Variants in HEATR5A observed in about 807,000 individuals in gnomAD.
HEATR5A encodes HEAT repeat containing 5A.
Under a neutral mutation model 218.8 loss-of-function variants are expected in HEATR5A, and 178 were observed. The ratio of observed to expected loss-of-function variants is 0.81; its 90% confidence interval spans 0.72 to 0.92. HEATR5A has a LOEUF of 0.92. Ranked by LOEUF, HEATR5A falls within the 40% of genes least tolerant of loss-of-function variation. HEATR5A has a pLI of 0.00. For missense variants in HEATR5A, 2,420 were observed against 2,418.9 expected (o/e 1.00, Z -0.01); for synonymous variants, 864 against 871.6 (o/e 0.99, Z 0.15).
At chr14:31,331,928 C>A (rs1900486483) in intron 22 of HEATR5A, among the ~76,000 whole-genome samples, 1 of 152,178 alleles carries the variant, frequency 6.6e-6, no homozygotes, top group Non-Finnish European at 1.5e-5. Context: ...CCCTCAACAC[C>A]TGGGGATTGT....
intron 32 of HEATR5A, 47 bp from the exon 33 acceptor site, chr14:31,302,566 T>C (rs1279510322): frequency 8.0e-7 from 1 of 1,248,654 alleles, no homozygotes; most frequent in Non-Finnish European, 1.1e-6. Flanking sequence ...AACCTATATA[T>C]ATGGTTTCTA....
intron 16 of HEATR5A, among the ~76,000 whole-genome samples, chr14:31,354,365 C>A (rs556471340): frequency 6.6e-6 from 1 of 152,150 alleles, no homozygotes; most frequent in Non-Finnish European, 1.5e-5. Context: ...TATTTCTTGA[C>A]CACATTCATG....
chr14:31,403,308 T>A (rs999846858), intron 1 of HEATR5A, among the ~76,000 whole-genome samples: 2 of 152,198 alleles, frequency 1.3e-5, no homozygotes, highest in Non-Finnish European at 2.9e-5. Flanking sequence ...AGAAGAGACA[T>A]TCCACTAAAA....
intron 26 of HEATR5A, among the ~76,000 whole-genome samples, chr14:31,316,468 G>A (rs188649948): frequency 6.6e-6 from 1 of 152,166 alleles, no homozygotes; most frequent in East Asian, 1.9e-4. Flanking sequence ...ATTTCCAAAG[G>A]GAACGAAGTC....
At chr14:31,414,494 A>G (rs959647431) in intron 1 of HEATR5A, among the ~76,000 whole-genome samples, 3 of 152,202 alleles carry the variant, frequency 2.0e-5, no homozygotes, top group African/African-American at 7.2e-5. Context: ...AATAATATTG[A>G]ATATAGATAT....
chr14:31,390,618 G>A (rs2030416122), intron 6 of HEATR5A, among the ~76,000 whole-genome samples: 2 of 152,156 alleles, frequency 1.3e-5, no homozygotes, highest in East Asian at 1.9e-4. Context: ...CATATATGAC[G>A]GTGGTCCTGT....
Position 31,323,724 on chromosome 14 carries a change from T to C in HEATR5A, c.3628A>G (p.Arg1210Gly). The C allele has an allele frequency of 6.2e-7, 1 of 1,613,658 alleles. No individual in the cohort carries two copies. Among genetic ancestry groups the C allele is most frequent in the South Asian group, 1.1e-5 (1 of 91,074 alleles). The stretch of plus-strand genomic sequence containing the variant: ...AAAGGATGGGATTTTTCATCACGTC[T>C]GGTGGTCAGGACTGAGGCATCATCC... The part of the protein sequence containing the change: ...KGDDASVLTT[R>G]RDEKSHPFTN... Residue 1210 changes from arginine to glycine, a missense_variant, in exon 24 of 36, where the codon AGA (arginine) becomes GGA (glycine). Physicochemically the swap from Arg to Gly is moderately radical, Grantham distance 125. Transcript: ENST00000543095.
intron 19 of HEATR5A, among the ~76,000 whole-genome samples, chr14:31,345,560 A>G (rs1900992470): frequency 1.3e-5 from 2 of 152,266 alleles, no homozygotes. Flanking sequence ...ATCTATAGAA[A>G]GAATGAAAAT....
chr14:31,413,791 A>C (rs1314674416), intron 1 of HEATR5A, among the ~76,000 whole-genome samples: 2 of 152,228 alleles, frequency 1.3e-5, no homozygotes, highest in Admixed American at 6.5e-5. Flanking sequence ...AAGTGGAAGA[A>C]GAAGGTAATG....
At chr14:31,348,475 C>T (rs140264146) in intron 18 of HEATR5A, among the ~76,000 whole-genome samples, 29 of 152,160 alleles carry the variant, frequency 1.9e-4, no homozygotes, top group South Asian at 4.2e-4. Context: ...CCCAGTCACT[C>T]GGGAGGCTGA....
rs368996192 is a variant in HEATR5A, at chr14:31,295,980, T to C, written c.5548A>G (p.Thr1850Ala). 1.2e-6 allele frequency: 2 copies of C among 1,613,346 alleles called. No homozygotes were observed. The highest frequency in any genetic ancestry group is 1.7e-6 in the Non-Finnish European group (2 of 1,179,482). ...CGCTTCTGAAGGCATGGGATGGTAG[T>C]TACTTCTGGACTGGTAGACAAAATA... The part of the protein sequence containing the change: ...VFILSTSPEV[T>A]TIPCLQKRCI... The change falls in exon 34 of 36, where the codon ACT (threonine) becomes GCT (alanine). Residue 1850 changes from threonine to alanine, a missense_variant. Thr to Ala is a moderately conservative substitution (Grantham distance 58, BLOSUM62 0). Transcript: ENST00000543095.
chr14:31,326,212 T>G lies in HEATR5A; in HGVS notation c.3498A>C (p.Lys1166Asn). ...TACAAAGCTTTAACCACAGGGAGAGTTTTTCCACTGCCATAGATGTAAGCA... is the reference window on the plus strand; with the variant it reads ...TACAAAGCTTTAACCACAGGGAGAGGTTTTCCACTGCCATAGATGTAAGCA... ...NYMLTSMAVE[K>N]LSLWLKLCKD... Residue 1166 changes from lysine (K) to asparagine (N), a missense_variant, in exon 23 of 36, where the codon AAA becomes AAC. Physicochemically the swap from Lys to Asn is moderately conservative, Grantham distance 94 (BLOSUM62 0). Transcript: ENST00000543095. 6.2e-7 allele frequency: 1 copy of G among 1,612,380 alleles called. No individual in the cohort carries two copies. Among genetic ancestry groups the G allele is most frequent in the Non-Finnish European group, 8.5e-7 (1 of 1,179,204 alleles).
intron 12 of HEATR5A, among the ~76,000 whole-genome samples, chr14:31,373,951 A>G (rs966275974): frequency 3.9e-5 from 6 of 152,126 alleles, no homozygotes; most frequent in African/African-American, 1.4e-4. Context: ...GATTTTCTTA[A>G]TAACACTTTT....
chr14:31,370,376 G>A (rs1322284213), intron 13 of HEATR5A, among the ~76,000 whole-genome samples: 2 of 152,060 alleles, frequency 1.3e-5, no homozygotes, highest in Non-Finnish European at 2.9e-5. Context: ...TACTTAAACC[G>A]TCAGGAAACC....
chr14:31,293,620 G>T lies in HEATR5A; in HGVS notation c.5834-8C>A. On this transcript the variant is annotated splice_polypyrimidine_tract_variant and splice_region_variant and intron_variant, in intron 35 of 35. Coordinates refer to ENST00000543095, the MANE Select transcript of HEATR5A (RefSeq NM_015473.4). ...AGGCCACCAGCTGAGCGCCTAGAAA[G>T]TAAACAAATAATATAAGTTCAGTGA... 1 of 1,588,096 alleles carries T rather than the reference G, an allele frequency of 6.3e-7. No individual in the cohort carries two copies. Among genetic ancestry groups the T allele is most frequent in the South Asian group, 1.2e-5 (1 of 86,214 alleles).
At chr14:31,375,066 T>C (rs2093203429) in intron 11 of HEATR5A, 98 bp from the exon 12 acceptor site, 3 of 995,928 alleles carry the variant, frequency 3.0e-6, no homozygotes, top group Admixed American at 3.0e-5. Context: ...AACATTTTAA[T>C]TCATTATTGC....
intron 13 of HEATR5A, among the ~76,000 whole-genome samples, chr14:31,369,401 C>T (rs1320056328): frequency 6.6e-6 from 1 of 151,518 alleles, no homozygotes; most frequent in Non-Finnish European, 1.5e-5. Flanking sequence ...TCACTTGAGG[C>T]CTGAAGTTCA....
intron 11 of HEATR5A, among the ~76,000 whole-genome samples, chr14:31,379,429 T>G (rs1030293159): frequency 4.0e-5 from 6 of 151,718 alleles, no homozygotes; most frequent in African/African-American, 1.2e-4. Context: ...TTTTGTATTT[T>G]AGTAGAGATG....
chr14:31,371,178 C>G (rs1211959455), intron 13 of HEATR5A, among the ~76,000 whole-genome samples: 1 of 152,206 alleles, frequency 6.6e-6, no homozygotes, highest in Non-Finnish European at 1.5e-5. Flanking sequence ...GCAACATAGA[C>G]TTCATAGTCT....
Sources: gnomAD v4.1 joint callset for allele counts (sites outside exome capture counted in the v4.1 genomes callset) on GRCh38, gnomAD v4.1.1 for gene constraint, MANE v1.5 for transcripts, NCBI Gene and HGNC (gene_info 2026-07-23, HGNC 2026-07-21) for gene names.